Variants in ROBO2 observed in about 807,000 individuals in gnomAD.
ROBO2 encodes the protein roundabout homolog 2.
ROBO2 carries 53 observed loss-of-function variants against 160.8 expected under a neutral mutation model. That is an observed-to-expected ratio of 0.33 (90% CI 0.26 to 0.41). The LOEUF (loss-of-function observed/expected upper bound fraction) is 0.41, where lower values mean the gene tolerates loss of function less well. Among genes scored for constraint, ROBO2 ranks in the 10% least tolerant of loss-of-function variants. ROBO2 has a pLI of 1.00. For synonymous variants in ROBO2, 664 were observed against 611.7 expected, an observed-to-expected ratio of 1.09 and a Z score of -1.26; for missense variants, 1,577 against 1,722.4, an observed-to-expected ratio of 0.92 and a Z score of 1.49.
chr3:77,573,546 GGTAAATTA>G, intron 13 of ROBO2, among the ~76,000 whole-genome samples: 1 of 152,088 alleles, frequency 6.6e-6, no homozygotes, highest in African/African-American at 2.4e-5. Flanking sequence ...GTCAGAAGTT[GGTAAATTA>G]GTAAAAGTTT....
chr3:76,690,940 C>T (rs2092788237), intron 2 of ROBO2, among the ~76,000 whole-genome samples: 1 of 151,958 alleles, frequency 6.6e-6, no homozygotes, highest in Non-Finnish European at 1.5e-5. Flanking sequence ...TCCTCTGGAG[C>T]CTGGCATGCT....
At chr3:76,472,050 G>A (rs2078681926) in intron 2 of ROBO2, among the ~76,000 whole-genome samples, 1 of 149,662 alleles carries the variant, frequency 6.7e-6, no homozygotes, top group Non-Finnish European at 1.5e-5. Context: ...ACATTTCTCT[G>A]TGGTCTGATA....
At chr3:77,493,588 A>G (rs573185650) in intron 5 of ROBO2, among the ~76,000 whole-genome samples, 24 of 152,276 alleles carry the variant, frequency 1.6e-4, no homozygotes, top group African/African-American at 5.3e-4. Flanking sequence ...GAGTATCTAC[A>G]TTAATGCTTG....
intron 2 of ROBO2, among the ~76,000 whole-genome samples, chr3:77,245,655 C>T (rs1171537130): frequency 6.6e-6 from 1 of 152,194 alleles, no homozygotes; most frequent in African/African-American, 2.4e-5. Flanking sequence ...GAGAAACTGG[C>T]AAACAAGTAT....
At chr3:76,801,578 GT>G (rs71629615) in intron 2 of ROBO2, among the ~76,000 whole-genome samples, 48,518 of 150,178 alleles carry the variant, frequency 0.32, 10,056 homozygotes, top group African/African-American at 0.59. Context: ...TATCCATAAA[GT>G]TTTTTTTTTA....
chr3:76,733,766 T>C (rs2093669527), intron 2 of ROBO2, among the ~76,000 whole-genome samples: 1 of 152,216 alleles, frequency 6.6e-6, no homozygotes, highest in South Asian at 2.1e-4. Flanking sequence ...GTTTGTCCAC[T>C]GTCTTAGTCA....
At chr3:76,131,607 A>G (rs538000115) in intron 2 of ROBO2, among the ~76,000 whole-genome samples, 1 of 152,230 alleles carries the variant, frequency 6.6e-6, no homozygotes, top group East Asian at 1.9e-4. Context: ...ACCTGTCAGC[A>G]GCTGAGATTT....
intron 2 of ROBO2, among the ~76,000 whole-genome samples, chr3:76,173,478 G>A (rs986492926): frequency 1.6e-4 from 25 of 151,684 alleles, no homozygotes; most frequent in Non-Finnish European, 3.1e-4. Flanking sequence ...AGCCCCACAT[G>A]CATTAGGTAT....
At chr3:77,041,802 A>T (rs2064128890) in intron 1 of ROBO2, among the ~76,000 whole-genome samples, 1 of 150,328 alleles carries the variant, frequency 6.7e-6, no homozygotes, top group Non-Finnish European at 1.5e-5. Flanking sequence ...AGTACTAGAT[A>T]TTTTTTTTTT....
At chr3:76,499,248 C>G (rs2080329232) in intron 2 of ROBO2, among the ~76,000 whole-genome samples, 1 of 152,010 alleles carries the variant, frequency 6.6e-6, no homozygotes, top group African/African-American at 2.4e-5. Context: ...TAGGTAATGC[C>G]CTTTACTGAA....
At chr3:77,216,937 C>T (rs929349007) in intron 2 of ROBO2, among the ~76,000 whole-genome samples, 2 of 151,878 alleles carry the variant, frequency 1.3e-5, no homozygotes, top group African/African-American at 2.4e-5. Flanking sequence ...GGCATAAAGC[C>T]ACTTTTATTC....
chr3:76,434,825 T>C lies in ROBO2; in HGVS notation c.109+497223T>C, dbSNP rs550667461. ...TCACACATGCCCTGAATCATGTATC[T>C]GATGACATGAAGACTCACAAGAACC... On this transcript the variant is annotated intron_variant, in intron 2 of 26. Coordinates refer to the ROBO2 transcript ENST00000487694. 27 of 1,538,462 alleles carry C rather than the reference T, an allele frequency of 1.8e-5. No individual in the cohort carries two copies. In the East Asian group the frequency reaches 2.0e-4, roughly 12 times the overall value.
rs757655448 is a variant in ROBO2, at chr3:76,510,449, G to GT, written c.109+572847_109+572848insT. On this transcript the variant is annotated intron_variant, in intron 2 of 26. Coordinates refer to the ROBO2 transcript ENST00000487694. ...GAAGTTAATGAAAAATATGGCTGGG[G>GT]GCAGTGGCTCACGTCTGTAATCCCA... Among the ~76,000 whole-genome samples, 5 of 152,190 alleles carry GT rather than the reference G, an allele frequency of 3.3e-5. No individual in the cohort carries two copies. The East Asian group carries it at 9.7e-4, about 30-fold the overall frequency.
At chr3:76,279,701 A>T (rs1242505903) in intron 2 of ROBO2, among the ~76,000 whole-genome samples, 3 of 151,788 alleles carry the variant, frequency 2.0e-5, no homozygotes, top group Non-Finnish European at 4.4e-5. Flanking sequence ...AGCGAATATT[A>T]GATAAGGGGA....
chr3:76,338,411 T>C (rs1194273053), intron 2 of ROBO2, among the ~76,000 whole-genome samples: 1 of 152,138 alleles, frequency 6.6e-6, no homozygotes, highest in East Asian at 1.9e-4. Flanking sequence ...ATTTTCAGGC[T>C]CATACCTGAT....
intron 2 of ROBO2, among the ~76,000 whole-genome samples, chr3:77,362,846 G>A (rs9831429): frequency 0.41 from 62,240 of 151,920 alleles, 13,518 homozygotes; most frequent in East Asian, 0.72. Context: ...AAGGCGGTGC[G>A]TTGAGAGGAA....
intron 2 of ROBO2, among the ~76,000 whole-genome samples, chr3:76,991,260 T>TA (rs2060650995): frequency 6.6e-6 from 1 of 152,170 alleles, no homozygotes; most frequent in Non-Finnish European, 1.5e-5. Context: ...AAAAAATACT[T>TA]AGTTATTTTT....
At chr3:75,959,535 T>C (rs978692700) in intron 2 of ROBO2, among the ~76,000 whole-genome samples, 4 of 151,676 alleles carry the variant, frequency 2.6e-5, no homozygotes, top group African/African-American at 9.7e-5. Context: ...ATGAATTACT[T>C]ATAATTTTTG....
intron 1 of ROBO2, among the ~76,000 whole-genome samples, chr3:75,924,604 C>G (rs528809677): frequency 6.7e-6 from 1 of 150,320 alleles, no homozygotes; most frequent in Non-Finnish European, 1.5e-5. Context: ...CACAGTAAGA[C>G]GGCTTTTATT....
Sources: gnomAD v4.1 joint callset for allele counts (sites outside exome capture counted in the v4.1 genomes callset) on GRCh38, gnomAD v4.1.1 for gene constraint, MANE v1.5 for transcripts, NCBI Gene and HGNC (gene_info 2026-07-23, HGNC 2026-07-21) for gene names.